The following ECPAS variants were observed in gnomAD, a reference collection of about 807,000 sequenced individuals.
ECPAS encodes the protein Ecm29 proteasome adaptor and scaffold.
ECPAS carries 70 observed loss-of-function variants against 255.1 expected under a neutral mutation model. The observed-to-expected ratio is 0.27, with a 90% CI of 0.23 to 0.33. The LOEUF (loss-of-function observed/expected upper bound fraction) is 0.33. Ranked by LOEUF, ECPAS falls within the 10% of genes least tolerant of loss-of-function variation. The pLI is 1.00. For synonymous variants in ECPAS, 784 were observed against 775.0 expected, an observed-to-expected ratio of 1.01 and a Z score of -0.19; for missense variants, 1,817 against 2,206.4, an observed-to-expected ratio of 0.82 and a Z score of 3.54.
intron 3 of ECPAS, among the ~76,000 whole-genome samples, chr9:111,444,928 T>G (rs1275406586): frequency 1.3e-5 from 2 of 151,804 alleles, no homozygotes; most frequent in Non-Finnish European, 2.9e-5. Context: ...ACTCCTGACT[T>G]CATGATCTGC....
Position 111,406,902 on chromosome 9 carries a change from AAC to A in ECPAS, c.2652+1667_2652+1668del, listed in dbSNP as rs1225397291. Among the ~76,000 whole-genome samples the A allele has an allele frequency of 4.0e-5, 6 of 149,194 alleles. 1 individual carries two copies. The highest frequency in any genetic ancestry group is 2.0e-4 in the East Asian group (1 of 4,916). Reference sequence around the variant, plus strand: ...AAAAATAAAATAAATAAAAAATAAAAACAGTTAAAAGAAACCAAAAAAACCTT... The same window carrying A: ...AAAAATAAAATAAATAAAAAATAAAAAGTTAAAAGAAACCAAAAAAACCTT... On this transcript the variant is annotated intron_variant, in intron 24 of 49. Transcript: ENST00000684092.
At chr9:111,400,143 G>C (rs1306051330) in intron 24 of ECPAS, among the ~76,000 whole-genome samples, 1 of 152,250 alleles carries the variant, frequency 6.6e-6, no homozygotes, top group Non-Finnish European at 1.5e-5. Context: ...TCTTCCCCAA[G>C]TCCATCAATG....
chr9:111,442,354 G>C lies in ECPAS; in HGVS notation c.341C>G (p.Pro114Arg). ...CCCTTCCATGGCAGTAAGAAGCGTA[G>C]GGGCCAGTTCACATTGTTTTTCCAC... is the stretch of plus-strand genomic sequence containing the variant. ...LPVEKQCELAPTLLTAMEGKP... is the reference protein window; with the variant it reads ...LPVEKQCELARTLLTAMEGKP... The change falls in exon 5 of 50, where the codon CCT (proline) becomes CGT (arginine). Residue 114 changes from proline (P) to arginine (R), a missense_variant. This residue lies in a region of ECPAS where 90 missense variants were observed against 158.5 expected (regional missense o/e 0.57). Transcript: ENST00000684092. The C allele has an allele frequency of 6.2e-7, 1 of 1,613,164 alleles. No individual in the cohort carries two copies. The highest frequency in any genetic ancestry group is 8.5e-7 in the Non-Finnish European group (1 of 1,179,570).
At chr9:111,448,602 T>C (rs1029008509) in intron 3 of ECPAS, among the ~76,000 whole-genome samples, 5 of 152,190 alleles carry the variant, frequency 3.3e-5, no homozygotes, top group African/African-American at 1.2e-4. Context: ...GTTCAAGACA[T>C]GAATGCACAA....
At chr9:111,381,755 A>G (rs1194484560) in intron 35 of ECPAS, among the ~76,000 whole-genome samples, 2 of 152,124 alleles carry the variant, frequency 1.3e-5, no homozygotes, top group African/African-American at 4.8e-5. Flanking sequence ...AATATTAATG[A>G]TTTTTTCATA....
intron 2 of ECPAS, among the ~76,000 whole-genome samples, chr9:111,470,179 C>G (rs1201884261): frequency 2.0e-5 from 3 of 152,162 alleles, no homozygotes; most frequent in African/African-American, 7.2e-5. Context: ...GACAGATTAT[C>G]TTTCTGTTCC....
At chr9:111,483,185 C>A (rs781426746) in intron 1 of ECPAS, among the ~76,000 whole-genome samples, 30 of 152,144 alleles carry the variant, frequency 2.0e-4, no homozygotes, top group Non-Finnish European at 4.0e-4. Flanking sequence ...CTCCGGCCCT[C>A]CCGCCAGCCG....
chr9:111,417,746 CA>C (rs397935038), intron 17 of ECPAS, 136 bp downstream of exon 17: 28,747 of 713,082 alleles, frequency 0.04, no homozygotes, highest in South Asian at 0.062. Context: ...AGCTCCATCT[CA>C]AAAAAAAAAA....
intron 35 of ECPAS, 117 bp downstream of exon 35, chr9:111,383,094 C>A: frequency 7.2e-6 from 9 of 1,250,086 alleles, no homozygotes; most frequent in Non-Finnish European, 1.0e-5. Flanking sequence ...ACAAATGACC[C>A]AAGGGTCATT....
At position 111,422,484 on chromosome 9, in the gene ECPAS, A is replaced by G. The variant is rs556360386; in HGVS notation, c.1266-284T>C. On this transcript the variant is annotated intron_variant, in intron 13 of 49. Transcript: ENST00000684092. ...ATTAGGTAAGACCAAACTGTGATCT[A>G]AACTAATGACTGTCGTGGAAAGGGG... Among the ~76,000 whole-genome samples the G allele has an allele frequency of 5.9e-5, 9 of 152,346 alleles. No homozygotes were observed. The South Asian group carries it at 1.5e-3, about 25-fold the overall frequency.
intron 49 of ECPAS, among the ~76,000 whole-genome samples, chr9:111,362,390 A>C (rs764156043): frequency 4.2e-4 from 64 of 152,122 alleles, no homozygotes; most frequent in Non-Finnish European, 2.5e-4. Context: ...GCGTAGAGGC[A>C]CATCAGGGAG....
Position 111,412,017 on chromosome 9 carries a change from A to G in ECPAS, c.2211T>C (p.Asn737=). 1 of 1,550,706 alleles carries G rather than the reference A, an allele frequency of 6.4e-7. No homozygotes were observed. Among genetic ancestry groups the G allele is most frequent in the Non-Finnish European group, 8.6e-7 (1 of 1,158,602 alleles). ...IEQLIKTTKD[N]HSPEIQHGSL... ...GAATGAAAACAAAATAACATACGTG[A>G]TTGTCTTTTGTAGTCTTTATAAGCT... The change falls in exon 21 of 50, where the codon AAT becomes AAC. Residue 737 remains asparagine (N), a synonymous_variant. Transcript: ENST00000684092.
chr9:111,363,780 ATTT>A, intron 48 of ECPAS, 121 bp from the exon 49 acceptor site: 1 of 486,578 alleles, frequency 2.1e-6, no homozygotes, highest in South Asian at 2.5e-5. Flanking sequence ...GGTATATCTG[ATTT>A]TTTTTTTTTA....
At chr9:111,482,821 G>A (rs1307445642) in intron 1 of ECPAS, among the ~76,000 whole-genome samples, 2 of 151,208 alleles carry the variant, frequency 1.3e-5, no homozygotes, top group Admixed American at 1.3e-4. Context: ...GGCGAACCCC[G>A]GCGGCGGGCG....
chr9:111,433,425 C>A lies in ECPAS; in HGVS notation c.709-53G>T. On this transcript the variant is annotated intron_variant, in intron 7 of 49. Transcript: ENST00000684092. ...GAACAGTCAGGGGAGCAAAGGACAC[C>A]CACTGAAAGTACTGCTTAACATATC... 3 of 1,595,170 alleles carry A rather than the reference C, an allele frequency of 1.9e-6. No homozygotes were observed. In the South Asian group the frequency reaches 3.3e-5, roughly 18 times the overall value.
intron 3 of ECPAS, among the ~76,000 whole-genome samples, chr9:111,445,279 G>C (rs1264028853): frequency 2.6e-5 from 4 of 152,072 alleles, no homozygotes; most frequent in Admixed American, 6.6e-5. Context: ...ACAGGCGTGA[G>C]CCACCGCGCC....
At chr9:111,369,751 G>T (rs1476191794) in intron 45 of ECPAS, among the ~76,000 whole-genome samples, 2 of 151,584 alleles carry the variant, frequency 1.3e-5, no homozygotes. Context: ...TTGGGGGGGG[G>T]ACCAGTGCCC....
intron 18 of ECPAS, 63 bp from the exon 19 acceptor site, chr9:111,414,714 T>C: frequency 1.5e-6 from 2 of 1,371,128 alleles, no homozygotes; most frequent in Non-Finnish European, 2.0e-6. Flanking sequence ...GGGAAGGTAC[T>C]CTTCAAAGTA....
intron 49 of ECPAS, among the ~76,000 whole-genome samples, 182 bp from the exon 50 acceptor site, chr9:111,362,351 T>C (rs2098114618): frequency 6.6e-6 from 1 of 152,190 alleles, no homozygotes; most frequent in South Asian, 2.1e-4. Flanking sequence ...ACTGTCAATA[T>C]GTGTCTCAAA....
Sources: gnomAD v4.1 joint callset for allele counts (sites outside exome capture counted in the v4.1 genomes callset) on GRCh38, gnomAD v4.1.1 for gene constraint, gnomAD v4.1.1 regional missense constraint, MANE v1.5 for transcripts, NCBI Gene and HGNC (gene_info 2026-07-23, HGNC 2026-07-21) for gene names.